The following ALMS1 variants were observed in gnomAD, a reference collection of about 807,000 sequenced individuals.
The protein encoded by ALMS1 is centrosome-associated protein ALMS1.
A neutral mutation model predicts 352.2 loss-of-function variants in ALMS1; 271 were observed. The ratio of observed to expected loss-of-function variants is 0.77; its 90% CI spans 0.70 to 0.85. The LOEUF (loss-of-function observed/expected upper bound fraction) is 0.85. Ranked by LOEUF, ALMS1 falls within the 40% of genes least tolerant of loss-of-function variation. The pLI is 0.00. For synonymous variants in ALMS1, 1,865 were observed against 1,761.2 expected (o/e 1.06, Z -1.48); for missense variants, 5,445 against 4,870.7 (o/e 1.12, Z -3.51).
chr2:73,511,353 G>A (rs192511483), intron 10 of ALMS1, among the ~76,000 whole-genome samples: 2 of 152,152 alleles, frequency 1.3e-5, no homozygotes, highest in East Asian at 3.9e-4. Flanking sequence ...TGTGGGTTTC[G>A]AAGACTGTGG....
chr2:73,491,120 A>G lies in ALMS1; in HGVS notation c.9161A>G (p.Lys3054Arg), dbSNP rs778324244. The change falls in exon 10 of 23, where the codon AAG becomes AGG. Residue 3054 changes from lysine (K) to arginine (R), a missense_variant. By Grantham distance (26) the Lys-to-Arg change is conservative. Coordinates refer to ENST00000613296, the MANE Select transcript of ALMS1 (RefSeq NM_001378454.1). ...TGTGTTCATATAACTCTTTGTCCCA[A>G]GACTTCTTCCAAGTTGGATAGTGGA... ...LSCVHITLCP[K>R]TSSKLDSGTL... 16 of 1,614,060 alleles carry G rather than the reference A, an allele frequency of 9.9e-6. No homozygotes were observed. Among genetic ancestry groups the G allele is most frequent in the Non-Finnish European group, 1.4e-5 (16 of 1,180,024 alleles).
intron 16 of ALMS1, among the ~76,000 whole-genome samples, chr2:73,584,116 G>A (rs114995397): frequency 0.011 from 1,688 of 152,194 alleles, 42 homozygotes; most frequent in African/African-American, 0.038. Context: ...CAATCTGTCA[G>A]TGTCAGATAT....
At chr2:73,467,639 A>G (rs1250508994) in intron 9 of ALMS1, among the ~76,000 whole-genome samples, 7 of 152,098 alleles carry the variant, frequency 4.6e-5, no homozygotes, top group Non-Finnish European at 1.0e-4. Flanking sequence ...TATGTTCAGT[A>G]GAAGACATGG....
chr2:73,507,020 C>A (rs1334189009), intron 10 of ALMS1, among the ~76,000 whole-genome samples: 1 of 152,122 alleles, frequency 6.6e-6, no homozygotes, highest in Non-Finnish European at 1.5e-5. Flanking sequence ...GCCTTTTCTG[C>A]ATCTATTGAG....
intron 20 of ALMS1, among the ~76,000 whole-genome samples, 168 bp from the exon 21 acceptor site, chr2:73,603,072 TC>T (rs943133778): frequency 3.9e-5 from 6 of 152,246 alleles, no homozygotes; most frequent in Admixed American, 1.3e-4. Flanking sequence ...TAGGCTGCTG[TC>T]CCTGTTACCC....
At position 73,450,430 on chromosome 2, in the gene ALMS1, G is replaced by C; in HGVS notation, c.3903G>C (p.Leu1301Phe). ...EKPSIFYQQS[L>F]PSSHLTEEAK... ...CCAGCATTTTCTACCAACAGTCGTT[G>C]CCAAGTAGTCATCTAACTGAAGAGG... is the stretch of plus-strand genomic sequence containing the variant. The change falls in exon 8 of 23, where the codon TTG becomes TTC. Residue 1301 changes from leucine (L) to phenylalanine (F), a missense_variant. Coordinates refer to ENST00000613296, the MANE Select transcript of ALMS1 (RefSeq NM_001378454.1). 6.2e-7 allele frequency: 1 copy of C among 1,613,584 alleles called. No individual in the cohort carries two copies. Among genetic ancestry groups the C allele is most frequent in the Non-Finnish European group, 8.5e-7 (1 of 1,179,912 alleles).
At chr2:73,489,250 G>A (rs1293550228) in intron 9 of ALMS1, among the ~76,000 whole-genome samples, 1 of 152,230 alleles carries the variant, frequency 6.6e-6, no homozygotes, top group Non-Finnish European at 1.5e-5. Flanking sequence ...GTCTAGTAAT[G>A]TGGTTACAAC....
chr2:73,449,283 A>G lies in ALMS1; in HGVS notation c.2756A>G (p.Gln919Arg), dbSNP rs751883638. The change falls in exon 8 of 23, where the codon CAG becomes CGG. Residue 919 changes from glutamine (Q) to arginine (R), a missense_variant. Coordinates refer to ENST00000613296, the MANE Select transcript of ALMS1 (RefSeq NM_001378454.1). ...SHREKPIIFS[Q>R]QTLPDFLFPE... ...AGAGAGAAGCCCATTATTTTTTCCC[A>G]GCAGACCCTGCCAGACTTTCTTTTC... is the stretch of plus-strand genomic sequence containing the variant. The G allele has an allele frequency of 6.2e-7, 1 of 1,613,976 alleles. No homozygotes were observed. The highest frequency in any genetic ancestry group is 8.5e-7 in the Non-Finnish European group (1 of 1,179,970).
chr2:73,404,000 A>G (rs1257718681), intron 1 of ALMS1, among the ~76,000 whole-genome samples: 1 of 152,128 alleles, frequency 6.6e-6, no homozygotes, highest in Non-Finnish European at 1.5e-5. Flanking sequence ...CCTGGGTTCA[A>G]GTGATTCTCC....
chr2:73,474,000 G>A (rs1672525613), intron 9 of ALMS1, among the ~76,000 whole-genome samples: 1 of 151,932 alleles, frequency 6.6e-6, no homozygotes, highest in African/African-American at 2.4e-5. Context: ...TCCCTAATTT[G>A]TTGAAAAATG....
chr2:73,564,826 G>T (rs1460714238), intron 15 of ALMS1, among the ~76,000 whole-genome samples: 1 of 152,154 alleles, frequency 6.6e-6, no homozygotes, highest in Non-Finnish European at 1.5e-5. Flanking sequence ...AAAACTGCCT[G>T]TTTTAACCTT....
At chr2:73,396,346 A>G (rs990308739) in intron 1 of ALMS1, among the ~76,000 whole-genome samples, 7 of 150,100 alleles carry the variant, frequency 4.7e-5, no homozygotes, top group Non-Finnish European at 5.9e-5. Context: ...ACACGCTTGT[A>G]TTTTGTTTAG....
chr2:73,528,059 A>G (rs894242685), intron 11 of ALMS1, among the ~76,000 whole-genome samples: 3 of 152,126 alleles, frequency 2.0e-5, no homozygotes, highest in African/African-American at 7.2e-5. Flanking sequence ...ATAGTTTCCA[A>G]AGTTCCTTTC....
intron 5 of ALMS1, among the ~76,000 whole-genome samples, chr2:73,425,194 A>G (rs1671356199): frequency 6.6e-6 from 1 of 152,170 alleles, no homozygotes; most frequent in Non-Finnish European, 1.5e-5. Context: ...GAGAATGTTT[A>G]TTTAAGGGCT....
chr2:73,475,400 CTG>C (rs949998217), intron 9 of ALMS1, among the ~76,000 whole-genome samples: 28 of 152,006 alleles, frequency 1.8e-4, no homozygotes, highest in African/African-American at 6.5e-4. Flanking sequence ...TTGTCATTTT[CTG>C]TCTTTTTGAT....
intron 2 of ALMS1, among the ~76,000 whole-genome samples, chr2:73,411,493 A>G (rs1671076028): frequency 6.6e-6 from 1 of 152,164 alleles, no homozygotes; most frequent in African/African-American, 2.4e-5. Flanking sequence ...ATATTCTCTG[A>G]GGGCATATTT....
At position 73,602,387 on chromosome 2, in the gene ALMS1, C is replaced by T. The variant is rs1553421935; in HGVS notation, c.12298+19C>T. ...AAGAGAGGTACGCCCTGCCCGTTCA[C>T]TTTCCTGTGAGTGGAATAGAGAAGG... On this transcript the variant is annotated intron_variant, in intron 20 of 22. Transcript: ENST00000613296. 3.7e-6 allele frequency: 6 copies of T among 1,613,744 alleles called. No individual in the cohort carries two copies. In the South Asian group the frequency reaches 6.6e-5, roughly 18 times the overall value.
intron 2 of ALMS1, among the ~76,000 whole-genome samples, chr2:73,411,465 G>A (rs1402763940): frequency 3.3e-5 from 5 of 152,036 alleles, no homozygotes; most frequent in Admixed American, 6.6e-5. Context: ...AACTAATACC[G>A]GGTCATATTT....
chr2:73,601,649 C>T (rs536081351), intron 19 of ALMS1, among the ~76,000 whole-genome samples: 9 of 152,306 alleles, frequency 5.9e-5, no homozygotes, highest in Admixed American at 5.2e-4. Flanking sequence ...GGTGCATCAC[C>T]GTCGGGATCT....
Sources: gnomAD v4.1 joint callset for allele counts (sites outside exome capture counted in the v4.1 genomes callset) on GRCh38, gnomAD v4.1.1 for gene constraint, MANE v1.5 for transcripts, NCBI Gene and HGNC (gene_info 2026-07-23, HGNC 2026-07-21) for gene names.